CFAP69: variants seen among roughly 807,000 people sequenced by gnomAD.
The protein encoded by CFAP69 is cilia- and flagella-associated protein 69.
In CFAP69, 92 loss-of-function variants were observed where a neutral mutation model predicts 123.0. The ratio of observed to expected loss-of-function variants is 0.75; its 90% confidence interval spans 0.63 to 0.89. The LOEUF (loss-of-function observed/expected upper bound fraction) is 0.89, where lower values mean the gene tolerates loss of function less well. CFAP69 is among the 40% of genes least tolerant of loss of function. The probability of loss-of-function intolerance (pLI) is 0.00; values close to 1 mark genes in which losing one functional copy is unlikely to be tolerated. For missense variants in CFAP69, 1,067 were observed against 1,096.9 expected (o/e 0.97, Z 0.39); for synonymous variants, 380 against 364.3 (o/e 1.04, Z -0.49).
downstream of CFAP69, among the ~76,000 whole-genome samples, chr7:90,315,633 G>A (rs1484441418): frequency 6.6e-6 from 1 of 152,038 alleles, no homozygotes; most frequent in African/African-American, 2.4e-5. Context: ...GAGAGGATCA[G>A]GAAAAATAAC....
At chr7:90,290,772 T>A (rs1791032521) in intron 15 of CFAP69, among the ~76,000 whole-genome samples, 1 of 115,254 alleles carries the variant, frequency 8.7e-6, no homozygotes, top group South Asian at 3.2e-4. Flanking sequence ...TTTCTTTTCT[T>A]TTCTTTTCTT....
chr7:90,297,019 T>C (rs1186380988), intron 15 of CFAP69, among the ~76,000 whole-genome samples: 2 of 152,170 alleles, frequency 1.3e-5, no homozygotes, highest in Non-Finnish European at 2.9e-5. Context: ...GGGGAGGGGA[T>C]TCGCTACAGA....
chr7:90,288,055 T>C (rs1294047341), intron 14 of CFAP69, among the ~76,000 whole-genome samples, 179 bp from the exon 15 acceptor site: 3 of 152,082 alleles, frequency 2.0e-5, no homozygotes, highest in Non-Finnish European at 4.4e-5. Flanking sequence ...TAATAATTTG[T>C]TTTAAATTCC....
At chr7:90,257,977 T>A in intron 2 of CFAP69, 121 bp from the exon 3 acceptor site, 1 of 664,032 alleles carries the variant, frequency 1.5e-6, no homozygotes, top group East Asian at 2.9e-5. Context: ...GTTTACATTA[T>A]AATATAGTAA....
Position 90,304,037 on chromosome 7 carries a change from C to T in CFAP69, c.2119C>T (p.Pro707Ser). The T allele has an allele frequency of 6.4e-7, 1 of 1,550,964 alleles. No homozygotes were observed. The highest frequency in any genetic ancestry group is 1.4e-5 in the African/African-American group (1 of 73,082). The part of the protein sequence containing the change: ...QKIIPLPANC[P>S]SIAVMDVSEN... Reference sequence around the variant, plus strand: ...AATCATCCCACTGCCTGCTAACTGCCCATCTATTGCGGTTATGGATGTTTC... The same window carrying T: ...AATCATCCCACTGCCTGCTAACTGCTCATCTATTGCGGTTATGGATGTTTC... The change falls in exon 18 of 23, where the codon CCA becomes TCA. Residue 707 changes from proline (P) to serine (S), a missense_variant. Coordinates refer to ENST00000389297, the MANE Select transcript of CFAP69 (RefSeq NM_001039706.3).
At chr7:90,272,282 A>T (rs1216311890) in intron 8 of CFAP69, 2 of 186,684 alleles carry the variant, frequency 1.1e-5, no homozygotes, top group East Asian at 2.7e-4. Flanking sequence ...TCTCCCAGAT[A>T]TTGCAGTAAG....
rs1794262691 is a variant in CFAP69, at chr7:90,310,883, A to T, written c.*645A>T. ...AATCAGGGTACTATTATCAGAAGCA[A>T]GTATATATGAATATTGGGCAGCAAG... is the stretch of plus-strand genomic sequence containing the variant. On this transcript the variant is annotated 3_prime_UTR_variant, in exon 23 of 23. Transcript: ENST00000389297. 1 of 152,248 alleles carries T rather than the reference A, an allele frequency of 6.6e-6. No homozygotes were observed. Among genetic ancestry groups the T allele is most frequent in the African/African-American group, 2.4e-5 (1 of 41,462 alleles). 9.4% of individuals were successfully genotyped at this position (152,248 alleles called of 1,614,324 possible).
At chr7:90,317,861 GA>G in the CFAP69 span, 1 of 152,118 alleles carries the variant, frequency 6.6e-6, no homozygotes, top group Non-Finnish European at 1.5e-5. Context: ...GACTGTAAAG[GA>G]GAGAATCTGT....
chr7:90,286,427 A>G (rs749495510), intron 14 of CFAP69, 28 bp downstream of exon 14: 11 of 1,605,778 alleles, frequency 6.9e-6, no homozygotes, highest in East Asian at 2.2e-5. Flanking sequence ...AGTTTTGTTC[A>G]GGTCTCCCAG....
intron 20 of CFAP69, 69 bp from the exon 21 acceptor site, chr7:90,307,699 G>C (rs1793802732): frequency 1.0e-6 from 1 of 954,664 alleles, no homozygotes; most frequent in African/African-American, 1.8e-5. Flanking sequence ...GGGTGACAGA[G>C]TGAGGTTCTG....
chr7:90,322,410 C>T, the CFAP69 span: 7 of 152,234 alleles, frequency 4.6e-5, no homozygotes, highest in Admixed American at 1.3e-4. Context: ...CCTAATCCAA[C>T]ATCCCAGCTG....
rs1358109629 is a variant in CFAP69 at position 90,307,080 on chromosome 7, AC to A, written c.2446del (p.Gln816LysfsTer34). The A allele has an allele frequency of 6.2e-7, 1 of 1,610,624 alleles. No homozygotes were observed. The highest frequency in any genetic ancestry group is 1.3e-5 in the African/African-American group (1 of 74,620). ...SQACQDMQNE[Q>X]KVYAKIQATH... ...AAGCATGCCAAGACATGCAAAATGA[AC>A]AAAAAGTATATGCAAAAGTAAGCTA... On this transcript the variant is annotated frameshift_variant, in exon 20 of 23. Coordinates refer to ENST00000389297, the MANE Select transcript of CFAP69 (RefSeq NM_001039706.3). LOFTEE classifies it high-confidence loss of function.
intron 1 of CFAP69, among the ~76,000 whole-genome samples, chr7:90,249,446 A>G (rs1342501507): frequency 6.6e-6 from 1 of 152,122 alleles, no homozygotes; most frequent in African/African-American, 2.4e-5. Flanking sequence ...GGGTATCAAA[A>G]CCTACCAAAT....
At chr7:90,257,796 T>G (rs1175663940) in intron 2 of CFAP69, among the ~76,000 whole-genome samples, 1 of 152,166 alleles carries the variant, frequency 6.6e-6, no homozygotes, top group Non-Finnish European at 1.5e-5. Flanking sequence ...AAGTTGATTC[T>G]GTATCTTTGC....
chr7:90,282,408 A>G (rs2117074409), intron 12 of CFAP69, among the ~76,000 whole-genome samples: 1 of 152,298 alleles, frequency 6.6e-6, no homozygotes, highest in African/African-American at 2.4e-5. Context: ...CTTGGAAAAC[A>G]ATTTAGCACC....
rs1584469691 is a variant in CFAP69, at chr7:90,286,523, G to T, written c.1656+124G>T. The T allele has an allele frequency of 5.2e-6, 5 of 965,046 alleles. No individual in the cohort carries two copies. The East Asian group carries it at 1.1e-4, about 21-fold the overall frequency. 59.8% of individuals were successfully genotyped at this position (965,046 alleles called of 1,614,324 possible). ...TTTAATATTTTTGTTAATAATTAGA[G>T]CATAATTATATAAAGTAAAAGGTAC... is the stretch of plus-strand genomic sequence containing the variant. On this transcript the variant is annotated intron_variant, in intron 14 of 22. Transcript: ENST00000389297.
At position 90,307,801 on chromosome 7, in the gene CFAP69, A is replaced by G. The variant is rs773064321; in HGVS notation, c.2497A>G (p.Asn833Asp). ...CACGCACAAGCAAAGAGAGCTGGCTAATAAATCATGGGAAGATTTCTTGGC... is the reference window on the plus strand; with the variant it reads ...CACGCACAAGCAAAGAGAGCTGGCTGATAAATCATGGGAAGATTTCTTGGC... Reference protein sequence around the residue: ...QATHKQRELANKSWEDFLART... With the variant: ...QATHKQRELADKSWEDFLART... The change falls in exon 21 of 23, where the codon AAT (asparagine) becomes GAT (aspartate). Residue 833 changes from asparagine to aspartate, a missense_variant. Asn to Asp is a conservative substitution (Grantham distance 23). Transcript: ENST00000389297. 1 of 1,611,834 alleles carries G rather than the reference A, an allele frequency of 6.2e-7. No individual in the cohort carries two copies. Among genetic ancestry groups the G allele is most frequent in the Non-Finnish European group, 8.5e-7 (1 of 1,178,810 alleles).
In CFAP69 at chr7:90,307,042, A is replaced by G. The variant is rs1205760386; in HGVS notation, c.2407A>G (p.Ile803Val). 1.2e-6 allele frequency: 2 copies of G among 1,613,298 alleles called. No individual in the cohort carries two copies. Among genetic ancestry groups the G allele is most frequent in the Admixed American group, 1.7e-5 (1 of 59,806 alleles). The stretch of plus-strand genomic sequence containing the variant: ...GATGGTTGCTTCTCTGCAAAGTGAT[A>G]TAATTGAAAGCCAAGCATGCCAAGA... ...GKMVASLQSD[I>V]IESQACQDMQ... Residue 803 changes from isoleucine to valine, a missense_variant, in exon 20 of 23, where the codon ATA (isoleucine) becomes GTA (valine). By Grantham distance (29) the Ile-to-Val change is conservative. Transcript: ENST00000389297.
chr7:90,286,377 G>T lies in CFAP69; in HGVS notation c.1634G>T (p.Cys545Phe). 1 of 1,611,992 alleles carries T rather than the reference G, an allele frequency of 6.2e-7. No homozygotes were observed. Among genetic ancestry groups the T allele is most frequent in the Non-Finnish European group, 8.5e-7 (1 of 1,179,316 alleles). The stretch of plus-strand genomic sequence containing the variant: ...ATATTACTTATCCTATCTGGCCTTT[G>T]TGAGAATCACATTCAAAGGAAGGTA... Reference protein sequence around the residue: ...SDILLILSGLCENHIQRKEIF... With the variant: ...SDILLILSGLFENHIQRKEIF... Residue 545 changes from cysteine (C) to phenylalanine (F), a missense_variant, in exon 14 of 23, where the codon TGT (cysteine) becomes TTT (phenylalanine). Physicochemically the swap from Cys to Phe is radical, Grantham distance 205 (BLOSUM62 -2). Transcript: ENST00000389297.
Sources: allele counts gnomAD v4.1 joint callset (sites outside exome capture counted in the v4.1 genomes callset), GRCh38; gene constraint gnomAD v4.1.1; transcripts MANE v1.5; gene names NCBI Gene and HGNC (gene_info 2026-07-23, HGNC 2026-07-21).